The following PMPCB variants were observed in gnomAD, a reference collection of about 807,000 sequenced individuals.
The protein encoded by PMPCB is peptidase, mitochondrial processing subunit beta.
Under a neutral mutation model 61.5 loss-of-function variants are expected in PMPCB, and 46 were observed. The ratio of observed to expected loss-of-function variants is 0.75; its 90% confidence interval spans 0.59 to 0.96. PMPCB has a LOEUF of 0.96. PMPCB is among the 40% of genes least tolerant of loss of function. PMPCB has a pLI of 0.00. For synonymous variants in PMPCB, 191 were observed against 201.6 expected, an observed-to-expected ratio of 0.95 and a Z score of 0.44; for missense variants, 590 against 602.4, an observed-to-expected ratio of 0.98 and a Z score of 0.22.
At chr7:103,337,614 A>G in the PMPCB span, 1 of 785,066 alleles carries the variant, frequency 1.3e-6, no homozygotes, top group Admixed American at 2.7e-5. Context: ...TTATGACAAT[A>G]TAACACATGC....
Position 103,303,882 on chromosome 7 carries a change from G to T in PMPCB, c.498G>T (p.Leu166Phe). ...ILADIIQNST[L>F]GEAEIERERG... ...CTGATATAATACAAAACAGCACATTGGGAGAAGCAGAGATTGAACGTGAGC... is the reference window on the plus strand; with the variant it reads ...CTGATATAATACAAAACAGCACATTTGGAGAAGCAGAGATTGAACGTGAGC... The change falls in exon 5 of 13, where the codon TTG (leucine) becomes TTT (phenylalanine). Residue 166 changes from leucine (L) to phenylalanine (F), a missense_variant. Physicochemically the swap from Leu to Phe is conservative, Grantham distance 22. Transcript: ENST00000249269. 1 of 1,613,654 alleles carries T rather than the reference G, an allele frequency of 6.2e-7. No homozygotes were observed. Among genetic ancestry groups the T allele is most frequent in the Non-Finnish European group, 8.5e-7 (1 of 1,179,696 alleles).
downstream of PMPCB, among the ~76,000 whole-genome samples, chr7:103,319,134 T>C (rs1179339197): frequency 6.6e-6 from 1 of 151,776 alleles, no homozygotes; most frequent in Non-Finnish European, 1.5e-5. Flanking sequence ...AGAGACTCCA[T>C]CTCAAAAACA....
chr7:103,322,408 G>A, intron 12 of PMPCB: 2 of 1,190,064 alleles, frequency 1.7e-6, no homozygotes, highest in Non-Finnish European at 2.3e-6. Flanking sequence ...CCAATTCTCT[G>A]CTTTCGAATT....
downstream of PMPCB, among the ~76,000 whole-genome samples, chr7:103,317,805 C>G (rs1284410788): frequency 6.6e-6 from 1 of 151,022 alleles, no homozygotes; most frequent in Non-Finnish European, 1.5e-5. Context: ...TGCCTGCCAC[C>G]ATGCCCAGCT....
intron 1 of PMPCB, chr7:103,297,841 T>G: frequency 6.7e-7 from 1 of 1,498,080 alleles, no homozygotes; most frequent in South Asian, 1.2e-5. Context: ...ACGTAGTGCT[T>G]GCAAATTGGG....
At position 103,312,590 on chromosome 7, in the gene PMPCB, A is replaced by C. The variant is rs760598943; in HGVS notation, c.*319A>C. 2 of 1,613,444 alleles carry C rather than the reference A, an allele frequency of 1.2e-6. No individual in the cohort carries two copies. Among genetic ancestry groups the C allele is most frequent in the Admixed American group, 3.3e-5 (2 of 59,904 alleles). ...ATTGTCATTTCTTGGCTCTACTTGC[A>C]TTCAGCACTTGTTCTTGAGCAGCTT... On this transcript the variant is annotated 3_prime_UTR_variant, in exon 13 of 13. Coordinates refer to ENST00000249269, the MANE Select transcript of PMPCB (RefSeq NM_004279.3).
chr7:103,327,743 C>T lies in PMPCB; in HGVS notation c.*1432-1188C>T, dbSNP rs1017373436. ...CGTTTGTCTGGGTGATGTTTTAAAA[C>T]CATTGCTTTATCTACAAAACCAGTC... is the stretch of plus-strand genomic sequence containing the variant. On this transcript the variant is annotated intron_variant and NMD_transcript_variant, in intron 12 of 12. Coordinates refer to the PMPCB transcript ENST00000444457. 5 of 1,611,250 alleles carry T rather than the reference C, an allele frequency of 3.1e-6. No homozygotes were observed. The African/African-American group carries it at 6.7e-5, about 22-fold the overall frequency.
chr7:103,326,137 G>A (rs1196767869), intron 12 of PMPCB, among the ~76,000 whole-genome samples: 1 of 151,792 alleles, frequency 6.6e-6, no homozygotes, highest in African/African-American at 2.4e-5. Flanking sequence ...CACCTCCACG[G>A]CCAGCTAATT....
intron 12 of PMPCB, among the ~76,000 whole-genome samples, chr7:103,325,523 G>A (rs1488700411): frequency 2.6e-5 from 4 of 151,100 alleles, no homozygotes; most frequent in Admixed American, 1.3e-4. Context: ...GCGCCAAACC[G>A]CTAATCAAAG....
At chr7:103,326,519 A>G (rs777366096) in intron 12 of PMPCB, 4 of 1,613,176 alleles carry the variant, frequency 2.5e-6, no homozygotes. Context: ...GGGCACTATG[A>G]TCAAAAGGGA....
the PMPCB span, chr7:103,344,551 G>A: frequency 2.6e-5 from 42 of 1,613,606 alleles, no homozygotes; most frequent in Non-Finnish European, 3.6e-5. Flanking sequence ...GGTTGGGTGG[G>A]CACTTACCAG....
downstream of PMPCB, chr7:103,317,425 T>G (rs1382818974): frequency 6.2e-6 from 1 of 160,558 alleles, no homozygotes; most frequent in East Asian, 1.8e-4. Flanking sequence ...CCTCTTTTAT[T>G]TTGAAGCTCT....
the PMPCB span, among the ~76,000 whole-genome samples, chr7:103,346,784 A>C: frequency 6.6e-6 from 1 of 151,882 alleles, no homozygotes; most frequent in Non-Finnish European, 1.5e-5. Flanking sequence ...GTTGTAGCTT[A>C]TACTAGAATT....
chr7:103,315,693 C>CT (rs1818008740), downstream of PMPCB: 1 of 1,014,640 alleles, frequency 9.9e-7, no homozygotes, highest in African/African-American at 1.6e-5. Flanking sequence ...AACATAGACC[C>CT]TAAGTCTTGT....
At chr7:103,330,080 C>A (rs544722627), downstream of PMPCB, among the ~76,000 whole-genome samples, 12 of 152,288 alleles carry the variant, frequency 7.9e-5, no homozygotes, top group South Asian at 2.5e-3. Flanking sequence ...AACTACATTT[C>A]TTTTCAAAAT....
At chr7:103,309,136 A>G in intron 8 of PMPCB, 41 bp downstream of exon 8, 1 of 1,501,884 alleles carries the variant, frequency 6.7e-7, no homozygotes, top group Non-Finnish European at 9.1e-7. Flanking sequence ...CAGATGGAAG[A>G]TTATCATGTT....
intron 6 of PMPCB, among the ~76,000 whole-genome samples, chr7:103,305,812 A>G (rs539627314): frequency 1.6e-4 from 25 of 152,226 alleles, no homozygotes; most frequent in African/African-American, 6.0e-4. Context: ...ATTGTTTCTA[A>G]ATTGGCTCTT....
chr7:103,326,707 C>T, intron 12 of PMPCB: 1 of 1,593,008 alleles, frequency 6.3e-7, no homozygotes, highest in East Asian at 2.3e-5. Context: ...TTGTTAAGAT[C>T]ACATCACCAT....
At chr7:103,332,130 G>A (rs1165904262), downstream of PMPCB, among the ~76,000 whole-genome samples, 9 of 151,140 alleles carry the variant, frequency 6.0e-5, no homozygotes, top group African/African-American at 2.2e-4. Flanking sequence ...TCAGCCTCCC[G>A]AGTAGCTGGG....
Sources: gnomAD v4.1 joint callset for allele counts (sites outside exome capture counted in the v4.1 genomes callset) on GRCh38, gnomAD v4.1.1 for gene constraint, MANE v1.5 for transcripts, NCBI Gene and HGNC (gene_info 2026-07-23, HGNC 2026-07-21) for gene names.